FAM114A1: variants seen among roughly 807,000 people sequenced by gnomAD.
FAM114A1 encodes protein NOXP20.
FAM114A1 carries 62 observed loss-of-function variants against 64.3 expected under a neutral mutation model. The observed-to-expected ratio is 0.96, with a 90% CI of 0.79 to 1.19. The LOEUF (loss-of-function observed/expected upper bound fraction) is 1.19. FAM114A1 is among the 50% of genes most tolerant of loss of function. The pLI is 0.00. For synonymous variants in FAM114A1, 254 were observed against 251.1 expected, an observed-to-expected ratio of 1.01 and a Z score of -0.11; for missense variants, 645 against 676.3, an observed-to-expected ratio of 0.95 and a Z score of 0.51.
At position 38,940,995 on chromosome 4, in the gene FAM114A1, C is replaced by G. The variant is rs777682696; in HGVS notation, c.1564C>G (p.Pro522Ala). Residue 522 changes from proline (P) to alanine (A), a missense_variant, in exon 14 of 15, where the codon CCC becomes GCC. Transcript: ENST00000358869. ...GSNKKAEVLNPMISSVLLEGC... is the reference protein window; with the variant it reads ...GSNKKAEVLNAMISSVLLEGC... ...CAACAAGAAGGCCGAGGTCCTTAACCCCATGATCAGTAGTGTATTGTTAGA... is the reference window on the plus strand; with the variant it reads ...CAACAAGAAGGCCGAGGTCCTTAACGCCATGATCAGTAGTGTATTGTTAGA... The G allele has an allele frequency of 1.2e-6, 2 of 1,613,986 alleles. No homozygotes were observed. Among genetic ancestry groups the G allele is most frequent in the Non-Finnish European group, 1.7e-6 (2 of 1,180,006 alleles).
Position 38,878,352 on chromosome 4 carries a change from G to C in FAM114A1, c.274G>C (p.Ala92Pro). 6.2e-7 allele frequency: 1 copy of C among 1,613,960 alleles called. No individual in the cohort carries two copies. The highest frequency in any genetic ancestry group is 1.1e-5 in the South Asian group (1 of 91,058). The change falls in exon 3 of 15, where the codon GCT becomes CCT. Residue 92 changes from alanine (A) to proline (P), a missense_variant. Physicochemically the swap from Ala to Pro is conservative, Grantham distance 27 (BLOSUM62 -1). Transcript: ENST00000358869. The stretch of plus-strand genomic sequence containing the variant: ...TGGAGACGTGACTGAGGATACACTT[G>C]CTGAATGTATTGATTCCGTCAGCCT... Reference protein sequence around the residue: ...LNGDVTEDTLAECIDSVSLEA... With the variant: ...LNGDVTEDTLPECIDSVSLEA...
At chr4:38,890,198 A>G (rs1005888266) in intron 3 of FAM114A1, among the ~76,000 whole-genome samples, 2 of 152,058 alleles carry the variant, frequency 1.3e-5, no homozygotes, top group African/African-American at 4.8e-5. Flanking sequence ...AGGTCAAGAG[A>G]TCAAGACCAT....
intron 13 of FAM114A1, among the ~76,000 whole-genome samples, chr4:38,936,839 C>T (rs183482145): frequency 6.6e-6 from 1 of 152,304 alleles, no homozygotes; most frequent in African/African-American, 2.4e-5. Context: ...CATGAGCCAC[C>T]GCGCCTGGCA....
At chr4:38,923,054 T>C (rs1389303531) in intron 9 of FAM114A1, among the ~76,000 whole-genome samples, 161 bp downstream of exon 9, 1 of 152,134 alleles carries the variant, frequency 6.6e-6, no homozygotes, top group East Asian at 1.9e-4. Flanking sequence ...GCTGGTCACA[T>C]TGATTTATAA....
chr4:38,922,672 G>C, intron 8 of FAM114A1, 98 bp from the exon 9 acceptor site: 1 of 1,460,654 alleles, frequency 6.8e-7, no homozygotes, highest in Non-Finnish European at 9.2e-7. Flanking sequence ...CCCACACCAT[G>C]AATCACTTTT....
At position 38,894,347 on chromosome 4, in the gene FAM114A1, A is replaced by T. The variant is rs73148477; in HGVS notation, c.436+2517A>T. ...ACTGCATCTTGTTACTCTCACAACA[A>T]TTTATAAATTGTGATGGTTCGCATC... On this transcript the variant is annotated intron_variant, in intron 4 of 14. Transcript: ENST00000358869. Among the ~76,000 whole-genome samples the T allele has an allele frequency of 8.9e-3, 1,358 of 152,218 alleles. 25 individuals carry two copies. Among genetic ancestry groups the T allele is most frequent in the African/African-American group, 0.031 (1,276 of 41,518 alleles).
intron 9 of FAM114A1, among the ~76,000 whole-genome samples, chr4:38,924,619 T>C (rs1719934015): frequency 6.6e-6 from 1 of 152,198 alleles, no homozygotes; most frequent in Admixed American, 6.5e-5. Flanking sequence ...AAGAATCAAT[T>C]ATACTGAAGC....
At chr4:38,875,229 A>T (rs1714494565) in intron 2 of FAM114A1, among the ~76,000 whole-genome samples, 1 of 152,156 alleles carries the variant, frequency 6.6e-6, no homozygotes, top group African/African-American at 2.4e-5. Context: ...TGGTAGTTTG[A>T]TAAGAATAGC....
At chr4:38,935,942 G>A in intron 13 of FAM114A1, 152 bp downstream of exon 13, 1 of 624,980 alleles carries the variant, frequency 1.6e-6, no homozygotes. Flanking sequence ...ACTTCTCTAA[G>A]GACAGGCAGC....
At chr4:38,942,139 A>G (rs1365700036) in intron 14 of FAM114A1, among the ~76,000 whole-genome samples, 2 of 152,184 alleles carry the variant, frequency 1.3e-5, no homozygotes, top group Non-Finnish European at 2.9e-5. Context: ...CCATGATTCA[A>G]TTACTTCCCA....
At chr4:38,869,097 A>G (rs1182351530) in intron 2 of FAM114A1, among the ~76,000 whole-genome samples, 1 of 152,178 alleles carries the variant, frequency 6.6e-6, no homozygotes, top group East Asian at 1.9e-4. Flanking sequence ...TTAATATCAA[A>G]CACAATGTAT....
At chr4:38,876,169 C>CTT (rs1163508013) in intron 2 of FAM114A1, among the ~76,000 whole-genome samples, 56 of 69,082 alleles carry the variant, frequency 8.1e-4, no homozygotes, top group South Asian at 1.5e-3. Flanking sequence ...ATTCTTTTTT[C>CTT]TTTTTTTTTT....
intron 2 of FAM114A1, among the ~76,000 whole-genome samples, chr4:38,877,494 G>A (rs890598544): frequency 2.6e-5 from 4 of 152,122 alleles, no homozygotes; most frequent in African/African-American, 9.7e-5. Flanking sequence ...GATAGGAGGC[G>A]GAGTTCAGGT....
chr4:38,905,681 A>G (rs376696883), intron 5 of FAM114A1, 46 bp downstream of exon 5: 3 of 1,607,434 alleles, frequency 1.9e-6, no homozygotes, highest in African/African-American at 1.3e-5. Context: ...TTATTACACC[A>G]TGTGCATAAT....
chr4:38,892,613 T>C (rs753452338), intron 4 of FAM114A1, among the ~76,000 whole-genome samples: 2 of 152,182 alleles, frequency 1.3e-5, no homozygotes, highest in African/African-American at 2.4e-5. Flanking sequence ...AGGTATAACA[T>C]CAATATGTCT....
intron 8 of FAM114A1, among the ~76,000 whole-genome samples, chr4:38,919,457 A>G (rs1382888874): frequency 1.3e-5 from 2 of 152,174 alleles, no homozygotes; most frequent in African/African-American, 4.8e-5. Context: ...TGAGGGATAC[A>G]CAGCCAGTGG....
At chr4:38,872,637 C>A (rs950268021) in intron 2 of FAM114A1, among the ~76,000 whole-genome samples, 2 of 152,174 alleles carry the variant, frequency 1.3e-5, no homozygotes, top group Non-Finnish European at 2.9e-5. Context: ...TGTGTCCATA[C>A]GACTCATGTG....
At chr4:38,927,832 C>T (rs939385481) in intron 9 of FAM114A1, among the ~76,000 whole-genome samples, 5 of 152,160 alleles carry the variant, frequency 3.3e-5, no homozygotes, top group Non-Finnish European at 5.9e-5. Context: ...TACAGGCGCC[C>T]GCCTCCGCGC....
chr4:38,909,346 G>A (rs908101343), intron 7 of FAM114A1, among the ~76,000 whole-genome samples: 19 of 152,148 alleles, frequency 1.2e-4, no homozygotes, highest in African/African-American at 1.4e-4. Context: ...TGTCATTGCC[G>A]TTATTATGTG....
Sources: gnomAD v4.1 joint callset for allele counts (sites outside exome capture counted in the v4.1 genomes callset) on GRCh38, gnomAD v4.1.1 for gene constraint, MANE v1.5 for transcripts, NCBI Gene and HGNC (gene_info 2026-07-23, HGNC 2026-07-21) for gene names.